Variants in NUMB observed in about 807,000 individuals in gnomAD.
NUMB encodes the protein NUMB endocytic adaptor protein, also known as protein numb homolog.
Under a neutral mutation model 59.7 loss-of-function variants are expected in NUMB, and 29 were observed. The observed-to-expected ratio is 0.49, with a 90% CI of 0.36 to 0.66. The LOEUF (loss-of-function observed/expected upper bound fraction) is 0.66, where lower values mean the gene tolerates loss of function less well. Among genes scored for constraint, NUMB ranks in the 30% least tolerant of loss-of-function variants. NUMB has a pLI of 0.00. For synonymous variants in NUMB, 288 were observed against 288.2 expected, an observed-to-expected ratio of 1.00 and a Z score of 0.01; for missense variants, 723 against 822.0, an observed-to-expected ratio of 0.88 and a Z score of 1.47.
At chr14:73,401,933 C>T (rs1566781323) in intron 2 of NUMB, among the ~76,000 whole-genome samples, 2 of 152,156 alleles carry the variant, frequency 1.3e-5, no homozygotes. Flanking sequence ...ACAATCAGAG[C>T]TCACTGCAGC....
intron 2 of NUMB, among the ~76,000 whole-genome samples, chr14:73,385,026 T>C (rs1412885328): frequency 6.6e-6 from 1 of 151,904 alleles, no homozygotes; most frequent in Non-Finnish European, 1.5e-5. Flanking sequence ...CCTGAGTAGC[T>C]GGGATTACAG....
intron 10 of NUMB, 87 bp from the exon 11 acceptor site, chr14:73,282,592 T>C: frequency 7.3e-7 from 1 of 1,364,496 alleles, no homozygotes; most frequent in Non-Finnish European, 1.0e-6. Flanking sequence ...CACTTTATAC[T>C]GTATCTCCTG....
At chr14:73,322,898 C>T (rs946499107) in intron 5 of NUMB, 13 of 305,424 alleles carry the variant, frequency 4.3e-5, no homozygotes, top group Admixed American at 1.5e-4. Context: ...GAAATGTTGC[C>T]CAGGCTGGTC....
At chr14:73,416,332 C>CT (rs3028740) in intron 1 of NUMB, among the ~76,000 whole-genome samples, 48,301 of 141,284 alleles carry the variant, frequency 0.34, 9,970 homozygotes, top group Non-Finnish European at 0.48. Flanking sequence ...TTTTTCTTTT[C>CT]TTTTTTTTTT....
chr14:73,294,810 C>T (rs183093715), intron 7 of NUMB, among the ~76,000 whole-genome samples: 8 of 8,984 alleles, frequency 8.9e-4, no homozygotes, highest in Admixed American at 3.2e-3. Flanking sequence ...TGAGCCACCA[C>T]GCCCAGCCTC....
intron 1 of NUMB, among the ~76,000 whole-genome samples, chr14:73,428,433 A>T (rs1388773323): frequency 2.0e-5 from 3 of 152,306 alleles, no homozygotes. Context: ...CAGTGTTTTC[A>T]ACACCTTCAA....
At chr14:73,353,775 T>C (rs1415753858) in intron 4 of NUMB, among the ~76,000 whole-genome samples, 3 of 151,836 alleles carry the variant, frequency 2.0e-5, no homozygotes, top group African/African-American at 7.3e-5. Flanking sequence ...TAAGAGGTTG[T>C]AATTTATACT....
chr14:73,399,411 A>G (rs1009457418), intron 2 of NUMB, among the ~76,000 whole-genome samples: 9 of 152,092 alleles, frequency 5.9e-5, no homozygotes, highest in African/African-American at 2.2e-4. Flanking sequence ...TAAAAATACA[A>G]AATTAGCCGG....
chr14:73,280,143 T>G (rs1888515464), intron 11 of NUMB, among the ~76,000 whole-genome samples: 1 of 150,708 alleles, frequency 6.6e-6, no homozygotes, highest in South Asian at 2.1e-4. Flanking sequence ...GGCAACAGAG[T>G]AAGACTCCAT....
At chr14:73,367,292 T>C (rs1486413626) in intron 2 of NUMB, among the ~76,000 whole-genome samples, 1 of 111,444 alleles carries the variant, frequency 9.0e-6, no homozygotes, top group East Asian at 2.6e-4. Flanking sequence ...TATATATATA[T>C]ATATACACAC....
intron 9 of NUMB, chr14:73,285,585 G>A (rs1954347306): frequency 6.6e-6 from 1 of 151,722 alleles, no homozygotes; most frequent in Admixed American, 6.6e-5. Context: ...GGGGGCTTAA[G>A]AATTAGAGCT....
intron 7 of NUMB, among the ~76,000 whole-genome samples, chr14:73,296,427 G>A (rs1889773918): frequency 2.2e-5 from 3 of 135,956 alleles, no homozygotes; most frequent in Admixed American, 7.7e-5. Context: ...GGCAACAAGA[G>A]TGAAACTCCA....
intron 4 of NUMB, among the ~76,000 whole-genome samples, chr14:73,336,914 CCAATTAA>C (rs1343934285): frequency 6.6e-6 from 1 of 152,106 alleles, no homozygotes; most frequent in Non-Finnish European, 1.5e-5. Flanking sequence ...GTGGAATAAA[CCAATTAA>C]CAATTAAGAT....
intron 1 of NUMB, among the ~76,000 whole-genome samples, chr14:73,412,206 C>T (rs1896926117): frequency 1.3e-5 from 2 of 152,102 alleles, no homozygotes; most frequent in Non-Finnish European, 1.5e-5. Flanking sequence ...CATACACCAC[C>T]ACGCCCAGCT....
intron 3 of NUMB, among the ~76,000 whole-genome samples, chr14:73,365,715 A>T (rs959787352): frequency 6.6e-6 from 1 of 152,234 alleles, no homozygotes; most frequent in Non-Finnish European, 1.5e-5. Context: ...ATTTTGCTCA[A>T]ATTATCTCCC....
intron 6 of NUMB, among the ~76,000 whole-genome samples, chr14:73,314,407 A>T (rs1296543033): frequency 6.6e-6 from 1 of 152,020 alleles, no homozygotes; most frequent in East Asian, 2.0e-4. Context: ...GATGATTCAT[A>T]ATTCTCTTTC....
chr14:73,305,486 A>G (rs568614328), intron 6 of NUMB, among the ~76,000 whole-genome samples: 29 of 152,208 alleles, frequency 1.9e-4, no homozygotes, highest in African/African-American at 7.0e-4. Flanking sequence ...CAAGATCACC[A>G]GTGAGATAAG....
intron 3 of NUMB, among the ~76,000 whole-genome samples, chr14:73,358,602 CTTTTT>C (rs35552161): frequency 4.2e-5 from 5 of 118,944 alleles, no homozygotes; most frequent in African/African-American, 1.3e-4. Context: ...GAAAGCTAGA[CTTTTT>C]TTTTTTTTTT....
intron 6 of NUMB, among the ~76,000 whole-genome samples, chr14:73,309,741 TAATAATAATAATAATAAA>T (rs986551413): frequency 8.3e-5 from 12 of 144,738 alleles, no homozygotes; most frequent in African/African-American, 2.6e-4. Context: ...ATAATAATAA[TAATAATAATAATAATAAA>T]AATAGGATCC....
Sources: allele counts gnomAD v4.1 joint callset (sites outside exome capture counted in the v4.1 genomes callset), GRCh38; gene constraint gnomAD v4.1.1; transcripts MANE v1.5; gene names NCBI Gene and HGNC (gene_info 2026-07-23, HGNC 2026-07-21).